The following SCAPER variants were observed in gnomAD, a reference collection of about 807,000 sequenced individuals.
SCAPER encodes S phase cyclin A-associated protein in the endoplasmic reticulum.
A neutral mutation model predicts 182.2 loss-of-function variants in SCAPER; 98 were observed. The ratio of observed to expected loss-of-function variants is 0.54; its 90% CI spans 0.46 to 0.64. The LOEUF (loss-of-function observed/expected upper bound fraction) is 0.64. Among genes scored for constraint, SCAPER ranks in the 30% least tolerant of loss-of-function variants. The pLI, the probability that SCAPER is intolerant of heterozygous loss-of-function variation, is 0.00. For missense variants in SCAPER, 1,432 were observed against 1,690.0 expected (o/e 0.85, Z 2.68); for synonymous variants, 605 against 564.6 (o/e 1.07, Z -1.01).
rs2043151306 is a variant in SCAPER, at chr15:76,525,749, C to T, written c.2839-20775G>A. ...GTATATATACCACATTTTCTTTATT[C>T]AATCCACCATGGATGGGCACCTGGG... On this transcript the variant is annotated intron_variant, in intron 23 of 31. Transcript: ENST00000563290. Among the ~76,000 whole-genome samples, 3 of 152,252 alleles carry T rather than the reference C, an allele frequency of 2.0e-5. No individual in the cohort carries two copies. The East Asian group carries it at 5.8e-4, about 29-fold the overall frequency.
intron 1 of SCAPER, among the ~76,000 whole-genome samples, chr15:76,895,831 G>A (rs2074401677): frequency 6.6e-6 from 1 of 152,044 alleles, no homozygotes; most frequent in South Asian, 2.1e-4. Context: ...ATGACGTCAG[G>A]AGATCGAGAC....
At chr15:76,401,416 T>G (rs1406819494) in intron 27 of SCAPER, among the ~76,000 whole-genome samples, 1 of 152,208 alleles carries the variant, frequency 6.6e-6, no homozygotes, top group Non-Finnish European at 1.5e-5. Context: ...TTACTGGCCC[T>G]CAACATGTCT....
intron 23 of SCAPER, among the ~76,000 whole-genome samples, chr15:76,517,516 A>AT (rs1567329243): frequency 6.6e-6 from 1 of 151,550 alleles, no homozygotes. Flanking sequence ...CACCCGGCTA[A>AT]TTTTTTTGTA....
chr15:76,480,409 G>A (rs1436789628), intron 24 of SCAPER, among the ~76,000 whole-genome samples: 1 of 152,320 alleles, frequency 6.6e-6, no homozygotes, highest in East Asian at 1.9e-4. Context: ...CTAAGTCAGT[G>A]CCCCTCTCAC....
chr15:76,633,825 C>G (rs544146145), intron 21 of SCAPER, among the ~76,000 whole-genome samples: 5 of 152,346 alleles, frequency 3.3e-5, no homozygotes, highest in South Asian at 2.1e-4. Context: ...GTGGTCACCC[C>G]TCTCCGCCCG....
intron 15 of SCAPER, among the ~76,000 whole-genome samples, chr15:76,738,532 ACT>A (rs1202470562): frequency 1.2e-5 from 1 of 86,728 alleles, no homozygotes; most frequent in Non-Finnish European, 2.3e-5. Flanking sequence ...ACAAAGCGAG[ACT>A]CTGTCTCAAA....
At chr15:76,786,542 AGTG>A (rs2064624711) in intron 8 of SCAPER, among the ~76,000 whole-genome samples, 2 of 152,162 alleles carry the variant, frequency 1.3e-5, no homozygotes, top group Non-Finnish European at 2.9e-5. Flanking sequence ...CATAATACTT[AGTG>A]GTGCAAAACT....
chr15:76,354,110 C>T lies in SCAPER; in HGVS notation c.3886G>A (p.Val1296Met). 1 of 1,609,152 alleles carries T rather than the reference C, an allele frequency of 6.2e-7. No homozygotes were observed. The highest frequency in any genetic ancestry group is 8.5e-7 in the Non-Finnish European group (1 of 1,178,332). The change falls in exon 30 of 32, where the codon GTG (valine) becomes ATG (methionine). Residue 1296 changes from valine to methionine, a missense_variant. By Grantham distance (21) the Val-to-Met change is conservative (BLOSUM62 1). Around this residue, in one of 5 missense-constraint regions of SCAPER, gnomAD observed 718 missense variants for 799.7 expected, o/e 0.90. Coordinates refer to ENST00000563290, the MANE Select transcript of SCAPER (RefSeq NM_020843.4). This position sits in a 1 kb window ranked among gnomAD's most constrained non-coding sequence, Gnocchi z 4.4. ...GGCAACTGGCAGAGCTTCTGCAGCA[C>T]TGTGGGGTGGCGGCCGGACTGCACG... is the stretch of plus-strand genomic sequence containing the variant. ...VIVQSGRHPT[V>M]LQKLCQLPFQ...
intron 22 of SCAPER, among the ~76,000 whole-genome samples, chr15:76,599,649 T>C (rs2049768678): frequency 8.2e-6 from 1 of 122,178 alleles, no homozygotes; most frequent in African/African-American, 2.5e-5. Context: ...ATTTCATTTA[T>C]AGCAAGCTCT....
intron 25 of SCAPER, among the ~76,000 whole-genome samples, chr15:76,442,292 G>C (rs918200321): frequency 6.6e-6 from 1 of 152,092 alleles, no homozygotes; most frequent in Non-Finnish European, 1.5e-5. Flanking sequence ...TGTACATGCT[G>C]TGCTTTACTG....
chr15:76,427,447 C>A (rs2046515989), intron 26 of SCAPER, among the ~76,000 whole-genome samples: 1 of 152,094 alleles, frequency 6.6e-6, no homozygotes, highest in Non-Finnish European at 1.5e-5. Flanking sequence ...AAATGGCCAA[C>A]AGGTATACGA....
In SCAPER at chr15:76,665,751, C is replaced by T. The variant is rs1469957705; in HGVS notation, c.2547G>A (p.Val849=). Residue 849 remains valine, a synonymous_variant, in exon 21 of 32, where the codon GTG becomes GTA. Transcript: ENST00000563290. ...LSLKKYIIDI[V]VESTAPAEAL... is the part of the protein sequence containing the mutation. ...CTTCTGCTGGAGCTGTACTTTCAAC[C>T]ACAATGTCAATAATGTACTTCTTCA... 5.2e-6 allele frequency: 8 copies of T among 1,548,368 alleles called. No individual in the cohort carries two copies. Among genetic ancestry groups the T allele is most frequent in the African/African-American group, 1.4e-5 (1 of 72,998 alleles).
chr15:76,734,364 A>G (rs971802361), intron 15 of SCAPER, among the ~76,000 whole-genome samples: 41 of 152,206 alleles, frequency 2.7e-4, no homozygotes, highest in Non-Finnish European at 4.4e-5. Flanking sequence ...TGAAGTAGGG[A>G]AGTGAACACT....
chr15:76,733,855 G>A (rs1159110051), intron 15 of SCAPER, among the ~76,000 whole-genome samples: 3 of 152,040 alleles, frequency 2.0e-5, no homozygotes, highest in African/African-American at 4.8e-5. Flanking sequence ...GGAATTATTG[G>A]TCTTTTCTTT....
intron 26 of SCAPER, among the ~76,000 whole-genome samples, chr15:76,409,130 G>A (rs1298266658): frequency 2.0e-5 from 3 of 152,120 alleles, no homozygotes; most frequent in Non-Finnish European, 4.4e-5. Flanking sequence ...CTAAGAAGAT[G>A]CTTAAACTAA....
chr15:76,724,237 A>G (rs1056201899), intron 17 of SCAPER, among the ~76,000 whole-genome samples: 3 of 151,396 alleles, frequency 2.0e-5, no homozygotes, highest in Non-Finnish European at 4.4e-5. Flanking sequence ...TTTCTTTAAG[A>G]ATGTTGAATA....
At chr15:76,623,770 A>C (rs2052320711) in intron 21 of SCAPER, among the ~76,000 whole-genome samples, 1 of 152,182 alleles carries the variant, frequency 6.6e-6, no homozygotes, top group Non-Finnish European at 1.5e-5. Context: ...ATAGCTTTTC[A>C]TAATTTTGTA....
At chr15:76,351,935 T>C (rs2040580142) in intron 30 of SCAPER, among the ~76,000 whole-genome samples, 1 of 152,206 alleles carries the variant, frequency 6.6e-6, no homozygotes, top group Non-Finnish European at 1.5e-5. Flanking sequence ...ATTTACAAAA[T>C]TTATGTTACA....
At position 76,574,248 on chromosome 15, in the gene SCAPER, T is replaced by A. The variant is rs373544735; in HGVS notation, c.2748A>T (p.Val916=). Residue 916 remains valine (V), a synonymous_variant, in exon 23 of 32, where the codon GTA becomes GTT. Transcript: ENST00000563290. ...CCCATGAGCCACTGTCTTGAACTTGTACTTGTTTTAGAAGATCTTTGGCTA... is the reference window on the plus strand; with the variant it reads ...CCCATGAGCCACTGTCTTGAACTTGAACTTGTTTTAGAAGATCTTTGGCTA... ...QRLAKDLLKQ[V]QVQDSGSWAN... The A allele has an allele frequency of 1.4e-5, 22 of 1,611,848 alleles. No individual in the cohort carries two copies. In the African/African-American group the frequency reaches 1.7e-4, roughly 13 times the overall value.
Sources: allele counts gnomAD v4.1 joint callset (sites outside exome capture counted in the v4.1 genomes callset), GRCh38; gene constraint gnomAD v4.1.1; regional missense constraint gnomAD v4.1.1; non-coding constraint Gnocchi (gnomAD v3.1); transcripts MANE v1.5; gene names NCBI Gene and HGNC (gene_info 2026-07-23, HGNC 2026-07-21).